TBX18: variants seen among roughly 807,000 people sequenced by gnomAD.
TBX18 encodes the protein T-box transcription factor TBX18.
Under a neutral mutation model 55.0 loss-of-function variants are expected in TBX18, and 21 were observed. That is an observed-to-expected ratio of 0.38 (90% CI 0.27 to 0.55). The LOEUF is 0.55. TBX18 is among the 20% of genes least tolerant of loss of function. The pLI is 0.73. For missense variants in TBX18, 840 were observed against 799.6 expected, an observed-to-expected ratio of 1.05 and a Z score of -0.61; for synonymous variants, 342 against 326.1, an observed-to-expected ratio of 1.05 and a Z score of -0.53.
chr6:84,745,363 T>G (rs982740971), intron 5 of TBX18, among the ~76,000 whole-genome samples: 1 of 152,182 alleles, frequency 6.6e-6, no homozygotes, highest in African/African-American at 2.4e-5. Context: ...ACATCATGTT[T>G]TGGCTTCTAA....
At chr6:84,760,913 G>A (rs1451958622) in intron 2 of TBX18, among the ~76,000 whole-genome samples, 1 of 152,120 alleles carries the variant, frequency 6.6e-6, no homozygotes, top group Non-Finnish European at 1.5e-5. Context: ...GAAAGGTATA[G>A]TAAAACTTCT....
chr6:84,754,812 A>T (rs1410862486), intron 4 of TBX18, among the ~76,000 whole-genome samples: 1 of 152,162 alleles, frequency 6.6e-6, no homozygotes, highest in African/African-American at 2.4e-5. Context: ...GCTTCATCCA[A>T]TCAGTTGAAG....
chr6:84,759,682 C>CA (rs1040175652), intron 3 of TBX18, among the ~76,000 whole-genome samples: 11 of 150,566 alleles, frequency 7.3e-5, no homozygotes, highest in South Asian at 2.1e-4. Context: ...TAACACATAC[C>CA]AAAAAAACAA....
intron 2 of TBX18, among the ~76,000 whole-genome samples, chr6:84,761,160 TA>T (rs1767636357): frequency 6.6e-6 from 1 of 152,194 alleles, no homozygotes; most frequent in Admixed American, 6.5e-5. Context: ...TTATTGTATA[TA>T]AAAAACAAAT....
At chr6:84,758,415 A>T (rs923804925) in intron 3 of TBX18, among the ~76,000 whole-genome samples, 1 of 151,834 alleles carries the variant, frequency 6.6e-6, no homozygotes. Flanking sequence ...CTCAAAAAAA[A>T]AAAAAAAGAA....
intron 6 of TBX18, among the ~76,000 whole-genome samples, chr6:84,740,436 A>G (rs1465330956): frequency 6.6e-6 from 1 of 152,218 alleles, no homozygotes; most frequent in Non-Finnish European, 1.5e-5. Flanking sequence ...ACATTGTTTC[A>G]TTCTAAGAGA....
chr6:84,764,068 C>G lies in TBX18; in HGVS notation c.114G>C (p.Arg38=), dbSNP rs777251888. 9 of 1,576,362 alleles carry G rather than the reference C, an allele frequency of 5.7e-6. No homozygotes were observed. Among genetic ancestry groups the G allele is most frequent in the Non-Finnish European group, 8.6e-7 (1 of 1,165,126 alleles). Residue 38 remains arginine, a synonymous_variant, in exon 1 of 8, where the codon CGG becomes CGC. Coordinates refer to ENST00000369663, the MANE Select transcript of TBX18 (RefSeq NM_001080508.3). Reference sequence around the variant, plus strand: ...CCGCCTCTTCGGCGCCCAGTTTTCGCCGCTTCTTCTGAAGCTGTTGCTGCT... The same window carrying G: ...CCGCCTCTTCGGCGCCCAGTTTTCGGCGCTTCTTCTGAAGCTGTTGCTGCT... ...AEKQQQLQKK[R]RKLGAEEAAG...
chr6:84,764,226 C>G lies in TBX18; in HGVS notation c.-45G>C. 1.5e-6 allele frequency: 2 copies of G among 1,377,380 alleles called. No homozygotes were observed. Among genetic ancestry groups the G allele is most frequent in the South Asian group, 1.6e-5 (1 of 61,650 alleles). 85.3% of individuals were successfully genotyped at this position (1,377,380 alleles called of 1,614,324 possible). ...CCCGCCCCTCTCTCATATACACTCA[C>G]GCGGGCACACGCGCGCTCTCGCTCT... On this transcript the variant is annotated 5_prime_UTR_variant, in exon 1 of 8. Coordinates refer to ENST00000369663, the MANE Select transcript of TBX18 (RefSeq NM_001080508.3).
At position 84,736,889 on chromosome 6, in the gene TBX18, C is replaced by A; in HGVS notation, c.1620G>T (p.Leu540=). The change falls in exon 8 of 8, where the codon CTG becomes CTT. Residue 540 remains leucine, a synonymous_variant. Coordinates refer to ENST00000369663, the MANE Select transcript of TBX18 (RefSeq NM_001080508.3). ...AAACAATTTTCTCAGGACTGGCAGC[C>A]AGTTTGGGGGATGTGGAGAAGTTAT... ...YGYNFSTSPK[L]AASPEKIVSS... The A allele has an allele frequency of 6.2e-7, 1 of 1,613,276 alleles. No individual in the cohort carries two copies. The highest frequency in any genetic ancestry group is 1.1e-5 in the South Asian group (1 of 90,822).
At chr6:84,747,811 T>G in intron 5 of TBX18, 109 bp downstream of exon 5, 1 of 1,031,156 alleles carries the variant, frequency 9.7e-7, no homozygotes, top group Admixed American at 2.7e-5. Flanking sequence ...GAATGTCATA[T>G]ATGGCAAATG....
At chr6:84,763,258 C>T (rs151236661) in intron 1 of TBX18, 8 of 382,730 alleles carry the variant, frequency 2.1e-5, no homozygotes, top group Admixed American at 9.8e-5. Context: ...TCTTTTGGGC[C>T]GGGCCGGAGG....
At chr6:84,742,718 C>T (rs772249155) in intron 6 of TBX18, among the ~76,000 whole-genome samples, 1 of 152,016 alleles carries the variant, frequency 6.6e-6, no homozygotes, top group Non-Finnish European at 1.5e-5. Flanking sequence ...GTATTTCTCT[C>T]CCGGAATTTC....
intron 4 of TBX18, among the ~76,000 whole-genome samples, chr6:84,756,121 G>A (rs545058362): frequency 6.6e-6 from 1 of 152,104 alleles, no homozygotes; most frequent in African/African-American, 2.4e-5. Context: ...AATTACTAAG[G>A]TGTTAAAAAT....
intron 6 of TBX18, chr6:84,742,097 A>G (rs1170242151): frequency 6.6e-6 from 1 of 152,188 alleles, no homozygotes; most frequent in Non-Finnish European, 1.5e-5. Flanking sequence ...TTGAAACTGT[A>G]TTTCACTAGC....
In TBX18 at chr6:84,735,223, G is replaced by C. The variant is rs781038775; in HGVS notation, c.*1462C>G. ...GTTATTTCGCTTTCTCCTCAGAAGG[G>C]GAATGTGCCTCATCATGTATTCTTA... On this transcript the variant is annotated 3_prime_UTR_variant, in exon 8 of 8. Coordinates refer to ENST00000369663, the MANE Select transcript of TBX18 (RefSeq NM_001080508.3). 1 of 152,114 alleles carries C rather than the reference G, an allele frequency of 6.6e-6. No homozygotes were observed. Among genetic ancestry groups the C allele is most frequent in the African/African-American group, 2.4e-5 (1 of 41,430 alleles). 9.4% of individuals were successfully genotyped at this position (152,114 alleles called of 1,614,324 possible).
Position 84,762,764 on chromosome 6 carries a change from C to A in TBX18, c.293-16G>T. ...TCACAGCCGCCTGGACAGCAAAGGA[C>A]AGAGAAAGGGAACTGGTGAGGGAAA... is the stretch of plus-strand genomic sequence containing the variant. On this transcript the variant is annotated splice_polypyrimidine_tract_variant and intron_variant, in intron 1 of 7. Coordinates refer to ENST00000369663, the MANE Select transcript of TBX18 (RefSeq NM_001080508.3). The A allele has an allele frequency of 1.3e-6, 2 of 1,580,750 alleles. No individual in the cohort carries two copies. The highest frequency in any genetic ancestry group is 1.7e-6 in the Non-Finnish European group (2 of 1,163,930).
At chr6:84,750,944 T>G (rs1024906886) in intron 4 of TBX18, among the ~76,000 whole-genome samples, 2 of 152,206 alleles carry the variant, frequency 1.3e-5, no homozygotes, top group African/African-American at 4.8e-5. Flanking sequence ...AAAGTGATAT[T>G]CACTTGATAT....
At position 84,764,516 on chromosome 6, in the gene TBX18, A is replaced by G. The variant is rs1767762805; in HGVS notation, c.-335T>C. On this transcript the variant is annotated 5_prime_UTR_variant, in exon 1 of 8. Transcript: ENST00000369663. Reference sequence around the variant, plus strand: ...CGCCAGAGAGGACTAACATGGGTAAAAAACACTCTGTGGACACAAATTAGG... The same window carrying G: ...CGCCAGAGAGGACTAACATGGGTAAGAAACACTCTGTGGACACAAATTAGG... The G allele has an allele frequency of 1.4e-5, 4 of 289,162 alleles. No homozygotes were observed. In the East Asian group the frequency reaches 2.4e-4, roughly 17 times the overall value. 17.9% of individuals were successfully genotyped at this position (289,162 alleles called of 1,614,324 possible).
intron 4 of TBX18, among the ~76,000 whole-genome samples, chr6:84,752,981 G>A (rs1282233632): frequency 6.6e-6 from 1 of 152,094 alleles, no homozygotes; most frequent in Non-Finnish European, 1.5e-5. Context: ...AAATTCCAGA[G>A]GAATTGGGAA....
Sources: gnomAD v4.1 joint callset for allele counts (sites outside exome capture counted in the v4.1 genomes callset) on GRCh38, gnomAD v4.1.1 for gene constraint, MANE v1.5 for transcripts, NCBI Gene and HGNC (gene_info 2026-07-23, HGNC 2026-07-21) for gene names.